The following METTL8 variants were observed in gnomAD, a reference collection of about 807,000 sequenced individuals.
METTL8 encodes the protein methyltransferase 8, tRNA N3-cytidine, also known as tRNA N(3)-cytidine methyltransferase METTL8, mitochondrial.
METTL8 carries 32 observed loss-of-function variants against 48.7 expected under a neutral mutation model. The observed-to-expected ratio is 0.66, with a 90% CI of 0.50 to 0.88. METTL8 has a LOEUF of 0.88. Ranked by LOEUF, METTL8 falls within the 40% of genes least tolerant of loss-of-function variation. The pLI is 0.00. For synonymous variants in METTL8, 136 were observed against 157.1 expected (o/e 0.87, Z 1.01); for missense variants, 464 against 474.4 (o/e 0.98, Z 0.20).
intron 2 of METTL8, among the ~76,000 whole-genome samples, chr2:171,383,725 C>T (rs1687788684): frequency 6.6e-6 from 1 of 152,172 alleles, no homozygotes; most frequent in Non-Finnish European, 1.5e-5. Context: ...GTGTAAGTTG[C>T]TCAATATAGA....
intron 1 of METTL8, among the ~76,000 whole-genome samples, chr2:171,393,008 G>A (rs1316438456): frequency 2.0e-5 from 3 of 152,060 alleles, no homozygotes; most frequent in Non-Finnish European, 4.4e-5. Flanking sequence ...GGAGGCTGAG[G>A]CAAGAGAATC....
chr2:171,351,420 T>G (rs1575798979), intron 3 of METTL8, among the ~76,000 whole-genome samples: 3 of 152,344 alleles, frequency 2.0e-5, no homozygotes, highest in Admixed American at 6.5e-5. Flanking sequence ...TTGCTCTTTT[T>G]GCTTAGGATT....
intron 4 of METTL8, among the ~76,000 whole-genome samples, chr2:171,337,934 T>G (rs1299915636): frequency 6.6e-6 from 1 of 152,164 alleles, no homozygotes; most frequent in Non-Finnish European, 1.5e-5. Context: ...AATTTTTGTC[T>G]AACAAAGTGG....
At position 171,316,708 on chromosome 2, in the gene METTL8, G is replaced by C. The variant is rs941696355; in HGVS notation, c.*7464C>G. 6.6e-6 allele frequency among the ~76,000 whole-genome samples: 1 copy of C among 152,122 alleles called. No individual in the cohort carries two copies. Among genetic ancestry groups the C allele is most frequent in the African/African-American group, 2.4e-5 (1 of 41,414 alleles). On this transcript the variant is annotated 3_prime_UTR_variant, in exon 10 of 10. Coordinates refer to ENST00000375258, the MANE Select transcript of METTL8 (RefSeq NM_001321154.2). ...ATATCTTGTAGAAAGTCAAAGTAAAGATATAAATATTAAAATAAATGAGGG... is the reference window on the plus strand; with the variant it reads ...ATATCTTGTAGAAAGTCAAAGTAAACATATAAATATTAAAATAAATGAGGG...
At chr2:171,328,157 T>C (rs533458041) in intron 7 of METTL8, among the ~76,000 whole-genome samples, 1 of 152,336 alleles carries the variant, frequency 6.6e-6, no homozygotes, top group South Asian at 2.1e-4. Context: ...ATGAAGCCCC[T>C]TTTCTTTCTT....
intron 5 of METTL8, among the ~76,000 whole-genome samples, chr2:171,333,639 G>GT (rs1685775721): frequency 6.6e-6 from 1 of 152,068 alleles, no homozygotes; most frequent in South Asian, 2.1e-4. Context: ...ATGTTCCCCT[G>GT]TTTTTTTCTG....
At chr2:171,427,365 T>C (rs2105675633) in intron 1 of METTL8, among the ~76,000 whole-genome samples, 1 of 152,272 alleles carries the variant, frequency 6.6e-6, no homozygotes, top group Middle Eastern at 3.4e-3. Flanking sequence ...TAATGACCTT[T>C]TTATAACACA....
rs993122234 is a variant in METTL8, at chr2:171,318,882, G to A, written c.*5290C>T. On this transcript the variant is annotated 3_prime_UTR_variant, in exon 10 of 10. Transcript: ENST00000375258. ...TGGAATCAGAGAGTTCTGGGTCCGA[G>A]TTGTGACTCTGCTACTTACTAGATG... The A allele has an allele frequency of 1.3e-5, 2 of 151,974 alleles. No homozygotes were observed. The highest frequency in any genetic ancestry group is 1.3e-4 in the Admixed American group (2 of 15,252). 9.4% of individuals were successfully genotyped at this position (151,974 alleles called of 1,614,324 possible). A position where few individuals can be genotyped will look rare whatever the true frequency, so the allele number is the denominator to read the frequency against.
chr2:171,350,972 A>C (rs1183520444), intron 3 of METTL8, among the ~76,000 whole-genome samples: 3 of 152,158 alleles, frequency 2.0e-5, no homozygotes, highest in Non-Finnish European at 2.9e-5. Flanking sequence ...GTTTAATTAG[A>C]TCACATTTGT....
At chr2:171,350,565 T>C (rs1251392720) in intron 3 of METTL8, among the ~76,000 whole-genome samples, 2 of 152,232 alleles carry the variant, frequency 1.3e-5, no homozygotes, top group Non-Finnish European at 2.9e-5. Context: ...TTGAACTAGT[T>C]TACAGTCCCA....
chr2:171,339,285 T>G lies in METTL8; in HGVS notation c.505A>C (p.Thr169Pro). The G allele has an allele frequency of 1.2e-6, 2 of 1,612,908 alleles. No homozygotes were observed. The highest frequency in any genetic ancestry group is 1.7e-6 in the Non-Finnish European group (2 of 1,179,286). The stretch of plus-strand genomic sequence containing the variant: ...TCTAGGTTGGAAAAATCAGATTCTG[T>G]TTTGCTTTGACCTTCTGAAGAACCA... The part of the protein sequence containing the change: ...SSGSSEGQSK[T>P]ESDFSNLDSE... The change falls in exon 4 of 10, where the codon ACA becomes CCA. Residue 169 changes from threonine (T) to proline (P), a missense_variant. Coordinates refer to ENST00000375258, the MANE Select transcript of METTL8 (RefSeq NM_001321154.2).
At chr2:171,434,543 C>T, upstream of METTL8, 2 of 1,523,612 alleles carry the variant, frequency 1.3e-6, no homozygotes, top group Non-Finnish European at 1.8e-6. Context: ...CGCCACTCGG[C>T]GGCCCAGCCT....
At chr2:171,357,674 C>A (rs1046459779) in intron 3 of METTL8, among the ~76,000 whole-genome samples, 1 of 151,692 alleles carries the variant, frequency 6.6e-6, no homozygotes, top group Admixed American at 6.6e-5. Context: ...AGAAATAGAG[C>A]ACAAAATCCT....
intron 2 of METTL8, among the ~76,000 whole-genome samples, chr2:171,386,568 G>A (rs1396033261): frequency 2.6e-5 from 4 of 152,076 alleles, no homozygotes; most frequent in Non-Finnish European, 5.9e-5. Context: ...GTGCGAGACC[G>A]GCCTGGCCAA....
Position 171,324,027 on chromosome 2 carries a change from T to C in METTL8, c.*145A>G. 1.5e-6 allele frequency: 1 copy of C among 650,218 alleles called. No homozygotes were observed. The highest frequency in any genetic ancestry group is 2.6e-6 in the Non-Finnish European group (1 of 392,000). The allele number at this position is 650,218 out of a possible 1,614,324, so 40.3% of individuals were successfully genotyped here. A position where few individuals can be genotyped will look rare whatever the true frequency, so the allele number is the denominator to read the frequency against. On this transcript the variant is annotated 3_prime_UTR_variant, in exon 10 of 10. Coordinates refer to ENST00000375258, the MANE Select transcript of METTL8 (RefSeq NM_001321154.2). ...CTGAACCACTTACATGTGCTTAAAA[T>C]GCACAAAGGAGCTCACCTATGACAA...
At chr2:171,388,836 G>A (rs966158937) in intron 2 of METTL8, among the ~76,000 whole-genome samples, 1 of 152,158 alleles carries the variant, frequency 6.6e-6, no homozygotes, top group African/African-American at 2.4e-5. Context: ...TCTGTTATGA[G>A]CTGTGATCAG....
At chr2:171,355,495 T>C (rs549481166) in intron 3 of METTL8, among the ~76,000 whole-genome samples, 10 of 152,338 alleles carry the variant, frequency 6.6e-5, no homozygotes, top group Non-Finnish European at 1.3e-4. Flanking sequence ...TCTTCAAAGC[T>C]GTCAGACAGC....
intron 2 of METTL8, among the ~76,000 whole-genome samples, chr2:171,365,759 CCCT>C (rs1461085468): frequency 6.6e-6 from 1 of 152,188 alleles, no homozygotes; most frequent in Non-Finnish European, 1.5e-5. Context: ...AATGGACTTA[CCCT>C]CCTGCCACAA....
chr2:171,391,229 T>G (rs1221079672), intron 2 of METTL8, among the ~76,000 whole-genome samples: 1 of 152,216 alleles, frequency 6.6e-6, no homozygotes, highest in Admixed American at 6.5e-5. Flanking sequence ...TTTAATTAGG[T>G]TTGTACACTG....
Sources: allele counts gnomAD v4.1 joint callset (sites outside exome capture counted in the v4.1 genomes callset), GRCh38; gene constraint gnomAD v4.1.1; transcripts MANE v1.5; gene names NCBI Gene and HGNC (gene_info 2026-07-23, HGNC 2026-07-21).